Variants in SUGCT observed in about 807,000 individuals in gnomAD.
SUGCT encodes the protein succinyl-CoA:glutarate CoA-transferase.
Under a neutral mutation model 55.0 loss-of-function variants are expected in SUGCT, and 41 were observed. That is an observed-to-expected ratio of 0.74 (90% CI 0.58 to 0.97). The LOEUF is 0.97. Ranked by LOEUF, SUGCT falls within the 50% of genes least tolerant of loss-of-function variation. The pLI is 0.00. For missense variants in SUGCT, 568 were observed against 547.8 expected, an observed-to-expected ratio of 1.04 and a Z score of -0.37; for synonymous variants, 187 against 200.4, an observed-to-expected ratio of 0.93 and a Z score of 0.56.
intron 8 of SUGCT, among the ~76,000 whole-genome samples, chr7:40,299,863 C>A (rs977108887): frequency 2.0e-5 from 3 of 151,900 alleles, no homozygotes; most frequent in African/African-American, 7.3e-5. Context: ...GTATTGCTAT[C>A]AACAGTGTTT....
At chr7:40,820,651 T>C (rs903894145) in intron 13 of SUGCT, among the ~76,000 whole-genome samples, 1 of 152,172 alleles carries the variant, frequency 6.6e-6, no homozygotes, top group African/African-American at 2.4e-5. Flanking sequence ...CTTATCAGCT[T>C]AAGGAGATTT....
chr7:40,831,686 T>TA (rs1323780659), intron 13 of SUGCT, among the ~76,000 whole-genome samples: 12 of 152,168 alleles, frequency 7.9e-5, no homozygotes, highest in African/African-American at 2.7e-4. Context: ...TGTGGGAAAA[T>TA]ATAACCTTGA....
At chr7:40,772,530 C>G in intron 13 of SUGCT, among the ~76,000 whole-genome samples, 1 of 151,216 alleles carries the variant, frequency 6.6e-6, no homozygotes, top group South Asian at 2.1e-4. Context: ...ATCTATCTAT[C>G]TATCTATCTA....
At chr7:40,233,783 T>C (rs1351945000) in intron 6 of SUGCT, among the ~76,000 whole-genome samples, 2 of 152,232 alleles carry the variant, frequency 1.3e-5, no homozygotes, top group Non-Finnish European at 2.9e-5. Context: ...GCTTGTGTTA[T>C]CTAATCAAAT....
the SUGCT span, among the ~76,000 whole-genome samples, chr7:41,007,109 T>TA: frequency 3.6e-4 from 54 of 151,850 alleles, no homozygotes; most frequent in Non-Finnish European, 1.5e-4. Context: ...GTTTTTTTTT[T>TA]AAATTGAGTG....
the SUGCT span, among the ~76,000 whole-genome samples, chr7:40,922,794 A>G: frequency 6.6e-6 from 1 of 152,212 alleles, no homozygotes; most frequent in East Asian, 1.9e-4. Context: ...TAAGTGCCAC[A>G]CATAGCTGAC....
At chr7:40,705,579 A>G (rs1181222408) in intron 12 of SUGCT, among the ~76,000 whole-genome samples, 2 of 152,224 alleles carry the variant, frequency 1.3e-5, no homozygotes, top group Admixed American at 1.3e-4. Flanking sequence ...ACACTATTAC[A>G]AATCCTATAT....
intron 7 of SUGCT, among the ~76,000 whole-genome samples, chr7:40,241,227 T>G (rs1165506311): frequency 2.6e-5 from 4 of 152,272 alleles, no homozygotes; most frequent in Admixed American, 2.6e-4. Flanking sequence ...AAGTGCAACT[T>G]TTTTTCCTAT....
At position 40,779,502 on chromosome 7, in the gene SUGCT, G is replaced by A. The variant is rs1207296266; in HGVS notation, c.1153+30005G>A. 2.0e-5 allele frequency among the ~76,000 whole-genome samples: 3 copies of A among 152,172 alleles called. No individual in the cohort carries two copies. The East Asian group carries it at 5.8e-4, about 29-fold the overall frequency. On this transcript the variant is annotated intron_variant, in intron 13 of 13. Transcript: ENST00000335693. ...GCGGGGTCAGCACAAACATTATACA[G>A]ACACTGCTAAGAGTAAGTGGACGTC...
intron 12 of SUGCT, among the ~76,000 whole-genome samples, chr7:40,739,833 T>C (rs1177797914): frequency 3.3e-5 from 5 of 152,190 alleles, no homozygotes; most frequent in Non-Finnish European, 7.4e-5. Flanking sequence ...TAGTATATCT[T>C]AATATCAGAT....
intron 12 of SUGCT, among the ~76,000 whole-genome samples, chr7:40,729,627 G>T (rs1408797847): frequency 6.6e-6 from 1 of 152,170 alleles, no homozygotes; most frequent in East Asian, 1.9e-4. Context: ...GAGAAAAGTA[G>T]TCCAGGGTGG....
intron 13 of SUGCT, among the ~76,000 whole-genome samples, chr7:40,766,596 A>G (rs1034044299): frequency 6.6e-6 from 1 of 152,238 alleles, no homozygotes. Flanking sequence ...GTAAACTTCA[A>G]TATGTTACTA....
intron 9 of SUGCT, among the ~76,000 whole-genome samples, chr7:40,422,686 A>C (rs1188200670): frequency 6.6e-6 from 1 of 152,104 alleles, no homozygotes; most frequent in Non-Finnish European, 1.5e-5. Context: ...ATTAAACATC[A>C]GGTGTCTTGG....
intron 7 of SUGCT, among the ~76,000 whole-genome samples, chr7:40,253,464 T>C (rs917307086): frequency 6.6e-6 from 1 of 152,268 alleles, no homozygotes; most frequent in African/African-American, 2.4e-5. Context: ...ATGTAAGCTT[T>C]ATGAAGGCAC....
chr7:40,139,139 T>TC (rs1210102831), intron 1 of SUGCT, among the ~76,000 whole-genome samples: 22 of 139,000 alleles, frequency 1.6e-4, no homozygotes, highest in African/African-American at 5.1e-4. Flanking sequence ...AATAAATAAA[T>TC]AAATAAATAA....
At chr7:40,639,513 AT>A (rs375633993) in intron 12 of SUGCT, among the ~76,000 whole-genome samples, 5,220 of 137,240 alleles carry the variant, frequency 0.038, 95 homozygotes, top group Non-Finnish European at 0.044. Flanking sequence ...GCTTTTTCAG[AT>A]TTTTTTTTTT....
chr7:40,337,868 T>A (rs1222061509), intron 9 of SUGCT, among the ~76,000 whole-genome samples: 2 of 152,060 alleles, frequency 1.3e-5, no homozygotes, highest in African/African-American at 4.8e-5. Context: ...ATTTGGCATG[T>A]TTTTGCAGTG....
At chr7:40,900,333 G>T in the SUGCT span, among the ~76,000 whole-genome samples, 1 of 152,114 alleles carries the variant, frequency 6.6e-6, no homozygotes, top group East Asian at 1.9e-4. Flanking sequence ...CTGACTTCCC[G>T]GCAATGTTTC....
chr7:40,358,753 C>CAACAACAACA (rs1419190300), intron 9 of SUGCT, among the ~76,000 whole-genome samples: 2 of 151,906 alleles, frequency 1.3e-5, no homozygotes, highest in Non-Finnish European at 2.9e-5. Flanking sequence ...ACAACAACAA[C>CAACAACAACA]ACTACTATTC....
Sources: allele counts gnomAD v4.1 joint callset (sites outside exome capture counted in the v4.1 genomes callset), GRCh38; gene constraint gnomAD v4.1.1; transcripts MANE v1.5; gene names NCBI Gene and HGNC (gene_info 2026-07-23, HGNC 2026-07-21).